The following AMBP variants were observed in gnomAD, a reference collection of about 807,000 sequenced individuals.
The protein encoded by AMBP is protein AMBP.
AMBP carries 37 observed loss-of-function variants against 46.3 expected under a neutral mutation model. That is an observed-to-expected ratio of 0.80 (90% CI 0.61 to 1.05). The LOEUF (loss-of-function observed/expected upper bound fraction) is 1.05, where lower values mean the gene tolerates loss of function less well. Among genes scored for constraint, AMBP ranks in the 50% least tolerant of loss-of-function variants. The probability of loss-of-function intolerance (pLI) is 0.00; values close to 1 mark genes in which losing one functional copy is unlikely to be tolerated. For synonymous variants in AMBP, 174 were observed against 175.9 expected, an observed-to-expected ratio of 0.99 and a Z score of 0.09; for missense variants, 475 against 461.2, an observed-to-expected ratio of 1.03 and a Z score of -0.27.
chr9:114,068,478 C>A (rs1435006767), intron 6 of AMBP, among the ~76,000 whole-genome samples: 1 of 151,768 alleles, frequency 6.6e-6, no homozygotes, highest in Non-Finnish European at 1.5e-5. Context: ...TGGTAGTGGG[C>A]ACCTGTAATC....
chr9:114,060,773 C>T, intron 9 of AMBP, 152 bp downstream of exon 9: 1 of 943,252 alleles, frequency 1.1e-6, no homozygotes, highest in Non-Finnish European at 1.6e-6. Flanking sequence ...GGGTAAGGCC[C>T]CAGGCTCAGC....
chr9:114,061,693 G>T, intron 7 of AMBP, 102 bp from the exon 8 acceptor site: 1 of 1,342,938 alleles, frequency 7.4e-7, no homozygotes, highest in South Asian at 1.5e-5. Context: ...TTCACTAAAA[G>T]GATTATCAAT....
intron 6 of AMBP, among the ~76,000 whole-genome samples, chr9:114,066,634 A>G (rs1394083582): frequency 1.3e-5 from 2 of 152,234 alleles, no homozygotes; most frequent in African/African-American, 4.8e-5. Context: ...AAGGAACAGA[A>G]TGAAATGACG....
At chr9:114,066,856 A>G (rs976627586) in intron 6 of AMBP, among the ~76,000 whole-genome samples, 2 of 152,232 alleles carry the variant, frequency 1.3e-5, no homozygotes, top group African/African-American at 4.8e-5. Flanking sequence ...AAACTCAATG[A>G]TATCAAGAGA....
At chr9:114,062,835 A>C (rs1846656138) in intron 6 of AMBP, 77 bp from the exon 7 acceptor site, 1 of 1,409,630 alleles carries the variant, frequency 7.1e-7, no homozygotes. Flanking sequence ...GGAATATATA[A>C]ATGAACAACT....
chr9:114,060,318 C>T, intron 9 of AMBP, 48 bp from the exon 10 acceptor site: 2 of 1,605,260 alleles, frequency 1.2e-6, no homozygotes, highest in Admixed American at 1.7e-5. Context: ...CAGGGACACT[C>T]AGGGAAGGGA....
intron 5 of AMBP, among the ~76,000 whole-genome samples, chr9:114,072,346 G>T (rs1201377735): frequency 6.6e-6 from 1 of 152,226 alleles, no homozygotes; most frequent in East Asian, 1.9e-4. Context: ...AGCACCTGGA[G>T]CTGCCCACCC....
intron 6 of AMBP, among the ~76,000 whole-genome samples, chr9:114,064,525 C>G (rs1335423493): frequency 6.6e-6 from 1 of 152,120 alleles, no homozygotes; most frequent in Non-Finnish European, 1.5e-5. Flanking sequence ...CTGTATTTCA[C>G]TCTTTTGCAA....
chr9:114,073,230 C>T (rs573209714), intron 4 of AMBP, among the ~76,000 whole-genome samples: 4 of 152,148 alleles, frequency 2.6e-5, no homozygotes, highest in African/African-American at 9.6e-5. Flanking sequence ...TCTCCTGAGT[C>T]CCCACAAAGG....
Position 114,076,585 on chromosome 9 carries a change from C to A in AMBP, c.260+13G>T. The A allele has an allele frequency of 6.2e-7, 1 of 1,612,638 alleles. No homozygotes were observed. The highest frequency in any genetic ancestry group is 8.5e-7 in the Non-Finnish European group (1 of 1,179,708). ...GGTCTCTCTCAGCTTTCCAGCCCCACCCTAGTGCTCACCGCCAACGAGTGC... is the reference window on the plus strand; with the variant it reads ...GGTCTCTCTCAGCTTTCCAGCCCCAACCTAGTGCTCACCGCCAACGAGTGC... On this transcript the variant is annotated intron_variant, in intron 2 of 9. Coordinates refer to ENST00000265132, the MANE Select transcript of AMBP (RefSeq NM_001633.4).
chr9:114,063,333 A>G (rs1051299745), intron 6 of AMBP, among the ~76,000 whole-genome samples: 2 of 152,204 alleles, frequency 1.3e-5, no homozygotes, highest in Non-Finnish European at 2.9e-5. Flanking sequence ...TCCCAGGGCA[A>G]TTATAGAAGA....
chr9:114,066,747 C>T lies in AMBP; in HGVS notation c.603+2952G>A, dbSNP rs146436021. Among the ~76,000 whole-genome samples, 516 of 152,118 alleles carry T rather than the reference C, an allele frequency of 3.4e-3. 1 individual carries two copies. The highest frequency in any genetic ancestry group is 6.0e-3 in the Non-Finnish European group (407 of 67,992). On this transcript the variant is annotated intron_variant, in intron 6 of 9. Transcript: ENST00000265132. ...GATGGAAACGACAAAGAGATGAAAG[C>T]GACTGGGAAGAAACTAATAGATGTG...
rs772001887 is a variant in AMBP at position 114,062,754 on chromosome 9, ACT to A, written c.606_607del (p.Arg202SerfsTer21). The A allele has an allele frequency of 8.7e-6, 14 of 1,613,380 alleles. No homozygotes were observed. The highest frequency in any genetic ancestry group is 3.3e-5 in the Admixed American group (2 of 59,932). ...TTCTTGGGGTAGCACAGCCCTCCGG[ACT>A]CTCTGCGGGGGAGAGAAAGAGAAGA... On this transcript the variant is annotated frameshift_variant and splice_region_variant, in exon 7 of 10. Transcript: ENST00000265132. LOFTEE classifies it high-confidence loss of function.
At position 114,061,483 on chromosome 9, in the gene AMBP, A is replaced by C. The variant is rs1351603159; in HGVS notation, c.794T>G (p.Met265Arg). 1 of 1,614,120 alleles carries C rather than the reference A, an allele frequency of 6.2e-7. No homozygotes were observed. Among genetic ancestry groups the C allele is most frequent in the Non-Finnish European group, 8.5e-7 (1 of 1,180,012 alleles). Reference sequence around the variant, plus strand: ...TGTGACGAAGTTGTTACCGTTGCCCATGCAGCCGCCGTACTGGAAAGTCTC... The same window carrying C: ...TGTGACGAAGTTGTTACCGTTGCCCCTGCAGCCGCCGTACTGGAAAGTCTC... The part of the protein sequence containing the change: ...ACETFQYGGC[M>R]GNGNNFVTEK... Residue 265 changes from methionine (M) to arginine (R), a missense_variant, in exon 8 of 10, where the codon ATG becomes AGG. Met to Arg is a moderately conservative substitution (Grantham distance 91). This residue lies in a region of AMBP where 293 missense variants were observed against 276.9 expected (regional missense o/e 1.06). Coordinates refer to ENST00000265132, the MANE Select transcript of AMBP (RefSeq NM_001633.4).
chr9:114,068,990 T>C (rs1318622455), intron 6 of AMBP, among the ~76,000 whole-genome samples: 3 of 152,010 alleles, frequency 2.0e-5, no homozygotes, highest in African/African-American at 7.2e-5. Context: ...CATTTTGTCT[T>C]TTGTGGGGGG....
chr9:114,064,687 A>G (rs968625707), intron 6 of AMBP, among the ~76,000 whole-genome samples: 2 of 151,914 alleles, frequency 1.3e-5, no homozygotes, highest in African/African-American at 4.8e-5. Flanking sequence ...GTTTAAAAGC[A>G]TAGCCCCAGC....
Position 114,072,933 on chromosome 9 carries a change from G to A in AMBP, c.548C>T (p.Ala183Val). The A allele has an allele frequency of 6.2e-7, 1 of 1,613,814 alleles. No homozygotes were observed. Among genetic ancestry groups the A allele is most frequent in the Non-Finnish European group, 8.5e-7 (1 of 1,179,794 alleles). ...GIPEDSIFTMADRGECVPGEQ... is the reference protein window; with the variant it reads ...GIPEDSIFTMVDRGECVPGEQ... Reference sequence around the variant, plus strand: ...GGAGGGGTGCTATGTACCTCGGTCAGCCATGGTGAAGATGGAGTCCTCAGG... The same window carrying A: ...GGAGGGGTGCTATGTACCTCGGTCAACCATGGTGAAGATGGAGTCCTCAGG... The change falls in exon 5 of 10, where the codon GCT becomes GTT. Residue 183 changes from alanine (A) to valine (V), a missense_variant. Ala to Val is a moderately conservative substitution (Grantham distance 64). Around this residue, in one of 3 missense-constraint regions of AMBP, gnomAD observed 293 missense variants for 276.9 expected, o/e 1.06. Transcript: ENST00000265132.
Position 114,076,638 on chromosome 9 carries a change from C to A in AMBP, c.220G>T (p.Ala74Ser), listed in dbSNP as rs141383606. Residue 74 changes from alanine to serine, a missense_variant, in exon 2 of 10, where the codon GCT becomes TCT. Physicochemically the swap from Ala to Ser is moderately conservative, Grantham distance 99 (BLOSUM62 1). Transcript: ENST00000265132. ...GTCATGCTGATCTCCGCCTCTGTAG[C>A]GCCCTCTCCCAGCACCAGCGTGCTC... ...TVSTLVLGEG[A>S]TEAEISMTST... is the part of the protein sequence containing the mutation. The A allele has an allele frequency of 4.3e-6, 7 of 1,613,872 alleles. No individual in the cohort carries two copies. The highest frequency in any genetic ancestry group is 5.9e-6 in the Non-Finnish European group (7 of 1,179,996).
At chr9:114,066,376 C>CGTGTGTATGTGTGT (rs1554773732) in intron 6 of AMBP, among the ~76,000 whole-genome samples, 1 of 141,184 alleles carries the variant, frequency 7.1e-6, no homozygotes, top group African/African-American at 2.6e-5. Context: ...TTTATGTGCA[C>CGTGTGTATGTGTGT]GTGTGTGTGT....
Sources: gnomAD v4.1 joint callset for allele counts (sites outside exome capture counted in the v4.1 genomes callset) on GRCh38, gnomAD v4.1.1 for gene constraint, gnomAD v4.1.1 regional missense constraint, MANE v1.5 for transcripts, NCBI Gene and HGNC (gene_info 2026-07-23, HGNC 2026-07-21) for gene names.